RBFOX1: variants seen among roughly 807,000 people sequenced by gnomAD.
RBFOX1 encodes RNA binding protein fox-1 homolog 1.
Under a neutral mutation model 57.7 loss-of-function variants are expected in RBFOX1, and 8 were observed. The observed-to-expected ratio is 0.14, with a 90% CI of 0.08 to 0.25. The LOEUF is 0.25. Ranked by LOEUF, RBFOX1 falls within the 10% of genes least tolerant of loss-of-function variation. The pLI is 1.00. For synonymous variants in RBFOX1, 326 were observed against 222.4 expected (o/e 1.47, Z -4.15); for missense variants, 611 against 548.5 (o/e 1.11, Z -1.14).
intron 1 of RBFOX1, among the ~76,000 whole-genome samples, chr16:6,077,268 G>A (rs1469904577): frequency 2.6e-5 from 4 of 152,130 alleles, no homozygotes; most frequent in Admixed American, 2.0e-4. Context: ...AGTTGACATG[G>A]CAGCTTGGCC....
intron 4 of RBFOX1, among the ~76,000 whole-genome samples, chr16:5,926,181 A>T (rs1302776755): frequency 6.6e-6 from 1 of 152,232 alleles, no homozygotes; most frequent in Non-Finnish European, 1.5e-5. Flanking sequence ...ATTCCTTTTA[A>T]ATCTGATACT....
chr16:6,637,504 T>TCCTATACATTATATATAA, intron 2 of RBFOX1, among the ~76,000 whole-genome samples: 1 of 18,018 alleles, frequency 5.6e-5, no homozygotes, highest in African/African-American at 1.0e-4. Context: ...ATATATAATA[T>TCCTATACATTATATATAA]TCTATATAGT....
chr16:6,379,671 A>T (rs2091586542), intron 2 of RBFOX1, among the ~76,000 whole-genome samples: 1 of 145,624 alleles, frequency 6.9e-6, no homozygotes, highest in Admixed American at 7.1e-5. Flanking sequence ...TGTGCATTGG[A>T]TTTAGCTACC....
chr16:7,438,838 A>C (rs945342625), intron 4 of RBFOX1, among the ~76,000 whole-genome samples: 10 of 152,206 alleles, frequency 6.6e-5, no homozygotes, highest in African/African-American at 1.7e-4. Flanking sequence ...AACCACGCCA[A>C]GCAGCTTGTC....
At chr16:6,050,723 A>C (rs2095543552) in intron 1 of RBFOX1, among the ~76,000 whole-genome samples, 1 of 152,014 alleles carries the variant, frequency 6.6e-6, no homozygotes, top group Non-Finnish European at 1.5e-5. Context: ...TTCCCAGTCT[A>C]CTATTAGGAT....
chr16:5,987,354 A>G lies in RBFOX1; in HGVS notation c.351+120019A>G, dbSNP rs902939898. Among the ~76,000 whole-genome samples, 5 of 152,166 alleles carry G rather than the reference A, an allele frequency of 3.3e-5. No homozygotes were observed. The South Asian group carries it at 8.3e-4, about 25-fold the overall frequency. ...TAGCTTGTCTCCTCATCCTCTTTCCAGGATCTTCTGCACAGCAAAGGTTTT... is the reference window on the plus strand; with the variant it reads ...TAGCTTGTCTCCTCATCCTCTTTCCGGGATCTTCTGCACAGCAAAGGTTTT... On this transcript the variant is annotated intron_variant, in intron 4 of 19. Coordinates refer to the RBFOX1 transcript ENST00000641259.
At chr16:7,093,268 T>A (rs887092525) in intron 4 of RBFOX1, among the ~76,000 whole-genome samples, 1 of 152,180 alleles carries the variant, frequency 6.6e-6, no homozygotes, top group Non-Finnish European at 1.5e-5. Flanking sequence ...AAGGTGTTCA[T>A]TATATTATCC....
chr16:7,272,905 T>C, intron 4 of RBFOX1, among the ~76,000 whole-genome samples: 1 of 134,732 alleles, frequency 7.4e-6, no homozygotes, highest in African/African-American at 2.7e-5. Context: ...CCCTCCTTTC[T>C]TCCTCCCTCC....
intron 3 of RBFOX1, among the ~76,000 whole-genome samples, chr16:5,713,366 C>A (rs138974645): frequency 6.6e-6 from 1 of 152,074 alleles, no homozygotes. Context: ...GATTAAGGGG[C>A]GTTTAAGAGC....
intron 1 of RBFOX1, among the ~76,000 whole-genome samples, chr16:5,457,224 C>T (rs1323501138): frequency 6.6e-6 from 1 of 152,130 alleles, no homozygotes; most frequent in African/African-American, 2.4e-5. Context: ...GCAACCTCTA[C>T]CTCCCGGGTT....
At chr16:6,331,671 A>G (rs994616067) in intron 2 of RBFOX1, among the ~76,000 whole-genome samples, 26 of 151,546 alleles carry the variant, frequency 1.7e-4, no homozygotes, top group African/African-American at 5.6e-4. Context: ...TGTTGCATAA[A>G]TCTCAACCAT....
chr16:6,833,522 C>T (rs929944936), intron 3 of RBFOX1, among the ~76,000 whole-genome samples: 2 of 152,264 alleles, frequency 1.3e-5, no homozygotes, highest in South Asian at 2.1e-4. Context: ...ACTTCCCAGA[C>T]TGGAATGCCA....
intron 4 of RBFOX1, among the ~76,000 whole-genome samples, chr16:7,137,636 A>G (rs1289436500): frequency 6.6e-6 from 1 of 152,220 alleles, no homozygotes; most frequent in Non-Finnish European, 1.5e-5. Flanking sequence ...GGACTAATAC[A>G]AAAGGAAACT....
At chr16:5,580,350 C>T (rs1302548950) in intron 2 of RBFOX1, among the ~76,000 whole-genome samples, 2 of 152,204 alleles carry the variant, frequency 1.3e-5, no homozygotes, top group African/African-American at 4.8e-5. Context: ...TGTGGGAAAA[C>T]ATCCTCAGCT....
At chr16:7,667,003 A>AC (rs1433580512) in intron 13 of RBFOX1, among the ~76,000 whole-genome samples, 1 of 151,950 alleles carries the variant, frequency 6.6e-6, no homozygotes, top group Non-Finnish European at 1.5e-5. Context: ...TCAGGCCACG[A>AC]CCCCCAGCCA....
At chr16:5,788,806 C>G (rs1173006458) in intron 3 of RBFOX1, among the ~76,000 whole-genome samples, 1 of 151,970 alleles carries the variant, frequency 6.6e-6, no homozygotes, top group African/African-American at 2.4e-5. Context: ...GCTTTTCTAC[C>G]CACCTCCCAA....
intron 3 of RBFOX1, among the ~76,000 whole-genome samples, chr16:6,687,731 G>A (rs2059641982): frequency 2.0e-5 from 3 of 152,130 alleles, no homozygotes; most frequent in African/African-American, 7.2e-5. Context: ...GACAGAGGAT[G>A]GAAGGCTCAC....
intron 14 of RBFOX1, among the ~76,000 whole-genome samples, chr16:7,699,948 G>A (rs576440300): frequency 1.3e-5 from 2 of 152,234 alleles, no homozygotes; most frequent in East Asian, 1.9e-4. Flanking sequence ...CAGATAATCT[G>A]GACATTGTCA....
intron 3 of RBFOX1, among the ~76,000 whole-genome samples, chr16:7,037,973 A>G (rs1472582357): frequency 6.6e-6 from 1 of 152,222 alleles, no homozygotes; most frequent in African/African-American, 2.4e-5. Context: ...GTAATATCCA[A>G]TGAGAAAGAA....
Sources: allele counts gnomAD v4.1 joint callset (sites outside exome capture counted in the v4.1 genomes callset), GRCh38; gene constraint gnomAD v4.1.1; transcripts MANE v1.5; gene names NCBI Gene and HGNC (gene_info 2026-07-23, HGNC 2026-07-21).